Variants in TSHR observed in about 807,000 individuals in gnomAD.
TSHR encodes the protein thyrotropin receptor.
TSHR carries 51 observed loss-of-function variants against 64.1 expected under a neutral mutation model. The ratio of observed to expected loss-of-function variants is 0.80; its 90% CI spans 0.64 to 1.01. The LOEUF (loss-of-function observed/expected upper bound fraction) is 1.01, where lower values mean the gene tolerates loss of function less well. Ranked by LOEUF, TSHR falls within the 50% of genes least tolerant of loss-of-function variation. TSHR has a pLI of 0.00. For missense variants in TSHR, 877 were observed against 942.8 expected, an observed-to-expected ratio of 0.93 and a Z score of 0.91; for synonymous variants, 361 against 361.9, an observed-to-expected ratio of 1.00 and a Z score of 0.03.
chr14:80,976,572 T>C (rs1210836604), intron 1 of TSHR, among the ~76,000 whole-genome samples: 1 of 152,246 alleles, frequency 6.6e-6, no homozygotes, highest in African/African-American at 2.4e-5. Context: ...TGTTTGTCTA[T>C]AGTCACAATT....
At chr14:81,021,426 T>C (rs1162241454) in intron 1 of TSHR, among the ~76,000 whole-genome samples, 2 of 152,224 alleles carry the variant, frequency 1.3e-5, no homozygotes, top group Non-Finnish European at 2.9e-5. Flanking sequence ...GAAAAAAGAT[T>C]CTGGGTTTGT....
intron 8 of TSHR, among the ~76,000 whole-genome samples, chr14:81,123,146 CACTT>C (rs1162480760): frequency 6.6e-6 from 1 of 151,050 alleles, no homozygotes; most frequent in African/African-American, 2.4e-5. Flanking sequence ...AAAAAATTAA[CACTT>C]AATTTAATAA....
chr14:81,106,938 C>CAA (rs5810011), intron 7 of TSHR: 5 of 109,378 alleles, frequency 4.6e-5, no homozygotes, highest in Non-Finnish European at 3.8e-5. Flanking sequence ...GACTCCATCT[C>CAA]AAAAAAAAAA....
At chr14:81,073,017 A>AAAAAAAAATATAT (rs1555376957) in intron 3 of TSHR, among the ~76,000 whole-genome samples, 1 of 91,216 alleles carries the variant, frequency 1.1e-5, no homozygotes, top group African/African-American at 4.5e-5. Flanking sequence ...AAAAATAAAA[A>AAAAAAAAATATAT]ATAAATATAT....
intron 1 of TSHR, among the ~76,000 whole-genome samples, chr14:81,009,159 T>A (rs1402186922): frequency 6.6e-6 from 1 of 152,208 alleles, no homozygotes; most frequent in East Asian, 1.9e-4. Flanking sequence ...TAAAATCATG[T>A]CAATGTAATC....
intron 3 of TSHR, among the ~76,000 whole-genome samples, chr14:81,077,363 C>G (rs1887578261): frequency 6.6e-6 from 1 of 152,156 alleles, no homozygotes; most frequent in African/African-American, 2.4e-5. Context: ...AGTCTGAATT[C>G]ATGAAAAATC....
intron 8 of TSHR, among the ~76,000 whole-genome samples, chr14:81,115,866 G>C (rs549514888): frequency 1.9e-3 from 283 of 151,940 alleles, no homozygotes; most frequent in African/African-American, 6.3e-3. Flanking sequence ...AGAGAGTGGG[G>C]GCCAATATTC....
chr14:81,021,020 G>T (rs1262432934), intron 1 of TSHR, among the ~76,000 whole-genome samples: 1 of 151,912 alleles, frequency 6.6e-6, no homozygotes, highest in East Asian at 1.9e-4. Flanking sequence ...TCTAGTTGCA[G>T]GAAAACAAGC....
At chr14:81,097,172 A>G (rs950942946) in intron 7 of TSHR, among the ~76,000 whole-genome samples, 2 of 152,172 alleles carry the variant, frequency 1.3e-5, no homozygotes, top group Non-Finnish European at 2.9e-5. Context: ...ACAGCAAACA[A>G]TAGACTTTGT....
chr14:81,040,906 G>A (rs1275874540), intron 1 of TSHR, among the ~76,000 whole-genome samples: 3 of 151,978 alleles, frequency 2.0e-5, no homozygotes, highest in African/African-American at 7.2e-5. Context: ...ATGATCATAT[G>A]AAAAAAGGCT....
chr14:81,096,660 T>C lies in TSHR; in HGVS notation c.567T>C (p.Phe189=), dbSNP rs1889214508. The C allele has an allele frequency of 6.2e-7, 1 of 1,613,874 alleles. No individual in the cohort carries two copies. ...GTAGGAAGCTGTACAACAATGGCTT[T>C]ACTTCAGTCCAAGGATATGCTTTCA... ...TLTLKLYNNG[F]TSVQGYAFNG... The change falls in exon 7 of 10, where the codon TTT becomes TTC. Residue 189 remains phenylalanine, a synonymous_variant. Coordinates refer to ENST00000298171, the MANE Select transcript of TSHR (RefSeq NM_000369.5).
At position 81,139,766 on chromosome 14, in the gene TSHR, T is replaced by A; in HGVS notation, c.780T>A (p.Leu260=). ...TGATAGCAAGAAACACCTGGACTCT[T>A]AAGAAACTTCCACTTTCCTTGAGTT... is the stretch of plus-strand genomic sequence containing the variant. ...KELIARNTWT[L]KKLPLSLSFL... Residue 260 remains leucine, a synonymous_variant, in exon 9 of 10, where the codon CTT becomes CTA. Coordinates refer to ENST00000298171, the MANE Select transcript of TSHR (RefSeq NM_000369.5). 1.2e-6 allele frequency: 2 copies of A among 1,614,242 alleles called. No homozygotes were observed. The highest frequency in any genetic ancestry group is 1.7e-6 in the Non-Finnish European group (2 of 1,180,054).
At chr14:81,078,709 T>C (rs549579529) in intron 3 of TSHR, 1 of 152,338 alleles carries the variant, frequency 6.6e-6, no homozygotes, top group Non-Finnish European at 1.5e-5. Context: ...ACTGCACTGA[T>C]GGAGAGACCG....
intron 1 of TSHR, among the ~76,000 whole-genome samples, chr14:80,964,369 C>T (rs185239877): frequency 6.6e-6 from 1 of 152,250 alleles, no homozygotes; most frequent in Admixed American, 6.5e-5. Context: ...AAGTAGTAAG[C>T]ATAGAAAACT....
intron 1 of TSHR, among the ~76,000 whole-genome samples, chr14:81,048,845 G>A (rs543690811): frequency 9.2e-5 from 14 of 152,128 alleles, no homozygotes; most frequent in Non-Finnish European, 1.6e-4. Flanking sequence ...CTGATTCACC[G>A]AAAATTGAGT....
At chr14:81,046,078 C>G (rs573502034) in intron 1 of TSHR, among the ~76,000 whole-genome samples, 7 of 152,184 alleles carry the variant, frequency 4.6e-5, no homozygotes, top group Non-Finnish European at 7.3e-5. Flanking sequence ...GAACACACTT[C>G]TGCCACATTC....
At chr14:81,062,855 A>G (rs545001148) in intron 2 of TSHR, among the ~76,000 whole-genome samples, 23 of 152,300 alleles carry the variant, frequency 1.5e-4, no homozygotes, top group African/African-American at 5.5e-4. Flanking sequence ...GAAATAATAT[A>G]ACCAGAAGCA....
chr14:81,079,937 T>TTTTGTTTG lies in TSHR; in HGVS notation c.318-7993_318-7986dup, dbSNP rs36136362. 1.1e-3 allele frequency among the ~76,000 whole-genome samples: 166 copies of TTTTGTTTG among 149,890 alleles called. 1 individual carries two copies. Among genetic ancestry groups the TTTTGTTTG allele is most frequent in the African/African-American group, 3.9e-3 (158 of 40,650 alleles). ...TTTTACTTTTATGTGAGTTTTTGGGTTTTGTTTGTTTGTTTGTTTGTTTGT... is the reference window on the plus strand; with the variant it reads ...TTTTACTTTTATGTGAGTTTTTGGGTTTTGTTTGTTTGTTTGTTTGTTTGTTTGTTTGT... On this transcript the variant is annotated intron_variant, in intron 3 of 9. Transcript: ENST00000298171.
chr14:80,980,571 T>C (rs1888115856), intron 1 of TSHR, among the ~76,000 whole-genome samples: 1 of 152,234 alleles, frequency 6.6e-6, no homozygotes, highest in Non-Finnish European at 1.5e-5. Context: ...AAGATCTCTT[T>C]GTCTTTAATG....
Sources: gnomAD v4.1 joint callset for allele counts (sites outside exome capture counted in the v4.1 genomes callset) on GRCh38, gnomAD v4.1.1 for gene constraint, MANE v1.5 for transcripts, NCBI Gene and HGNC (gene_info 2026-07-23, HGNC 2026-07-21) for gene names.